The following SOS2 variants were observed in gnomAD, a reference collection of about 807,000 sequenced individuals.
SOS2 encodes son of sevenless homolog 2.
SOS2 carries 65 observed loss-of-function variants against 148.2 expected under a neutral mutation model. The observed-to-expected ratio is 0.44, with a 90% CI of 0.36 to 0.54. The LOEUF (loss-of-function observed/expected upper bound fraction) is 0.54, where lower values mean the gene tolerates loss of function less well. Ranked by LOEUF, SOS2 falls within the 20% of genes least tolerant of loss-of-function variation. The probability of loss-of-function intolerance (pLI) is 0.00; values close to 1 mark genes in which losing one functional copy is unlikely to be tolerated. For synonymous variants in SOS2, 539 were observed against 537.1 expected, an observed-to-expected ratio of 1.00 and a Z score of -0.05; for missense variants, 1,341 against 1,590.2, an observed-to-expected ratio of 0.84 and a Z score of 2.67.
At chr14:50,191,098 G>A (rs917209461) in intron 4 of SOS2, among the ~76,000 whole-genome samples, 5 of 152,004 alleles carry the variant, frequency 3.3e-5, no homozygotes, top group Non-Finnish European at 7.4e-5. Flanking sequence ...AAATCTAATG[G>A]TGTGTTTTAG....
At chr14:50,161,034 G>C (rs1884989938) in intron 9 of SOS2, among the ~76,000 whole-genome samples, 1 of 150,330 alleles carries the variant, frequency 6.7e-6, no homozygotes, top group Admixed American at 6.7e-5. Flanking sequence ...AAAAAGGCTG[G>C]GCGCAGCGGC....
At chr14:50,231,078 G>T in intron 1 of SOS2, 119 bp downstream of exon 1, 2 of 603,000 alleles carry the variant, frequency 3.3e-6, no homozygotes, top group South Asian at 8.0e-5. Context: ...CCCATTGCCA[G>T]CCAACGAGAA....
At chr14:50,159,389 G>T in intron 10 of SOS2, 42 bp downstream of exon 10, 3 of 1,369,674 alleles carry the variant, frequency 2.2e-6, no homozygotes, top group South Asian at 1.6e-5. Flanking sequence ...AAGCTTTTGG[G>T]TCCCAGGCCC....
intron 8 of SOS2, among the ~76,000 whole-genome samples, chr14:50,167,564 G>A (rs1455710233): frequency 1.3e-5 from 2 of 151,102 alleles, no homozygotes; most frequent in Admixed American, 6.6e-5. Context: ...ACAAGCAAAT[G>A]TTGCATAATG....
At chr14:50,158,084 A>T (rs1402406846) in intron 11 of SOS2, among the ~76,000 whole-genome samples, 1 of 152,122 alleles carries the variant, frequency 6.6e-6, no homozygotes, top group Non-Finnish European at 1.5e-5. Flanking sequence ...AGGGAAACAG[A>T]TGAAACAATG....
Position 50,157,037 on chromosome 14 carries a change from T to C in SOS2, c.2019A>G (p.Lys673=). The change falls in exon 12 of 23, where the codon AAA becomes AAG. Residue 673 remains lysine (K), a synonymous_variant. Transcript: ENST00000216373. ...GTTGGACATATTCCTTGCGAAATCTTTTAAGGTCTGCACTGATTGGCTGCT... is the reference window on the plus strand; with the variant it reads ...GTTGGACATATTCCTTGCGAAATCTCTTAAGGTCTGCACTGATTGGCTGCT... ...KGEQPISADL[K]RFRKEYVQPV... 1 of 1,611,436 alleles carries C rather than the reference T, an allele frequency of 6.2e-7. No homozygotes were observed. Among genetic ancestry groups the C allele is most frequent in the Non-Finnish European group, 8.5e-7 (1 of 1,178,464 alleles).
At chr14:50,173,460 C>T (rs1315030147) in intron 8 of SOS2, among the ~76,000 whole-genome samples, 1 of 151,736 alleles carries the variant, frequency 6.6e-6, no homozygotes, top group Non-Finnish European at 1.5e-5. Flanking sequence ...CTCGCTCTGT[C>T]GCCCAGGCTG....
intron 1 of SOS2, among the ~76,000 whole-genome samples, chr14:50,207,505 C>T (rs1566480340): frequency 1.3e-5 from 2 of 151,156 alleles, no homozygotes; most frequent in African/African-American, 2.4e-5. Context: ...AGCAAGACCT[C>T]ATCTCTAAAA....
chr14:50,224,504 A>C (rs1284784932), intron 1 of SOS2, among the ~76,000 whole-genome samples: 2 of 152,124 alleles, frequency 1.3e-5, no homozygotes, highest in African/African-American at 2.4e-5. Context: ...AAGCCAAATG[A>C]AGAAAGGATT....
chr14:50,191,493 C>A lies in SOS2; in HGVS notation c.511-2793G>T, dbSNP rs574159090. Among the ~76,000 whole-genome samples the A allele has an allele frequency of 9.9e-5, 15 of 152,104 alleles. No homozygotes were observed. The South Asian group carries it at 2.7e-3, about 27-fold the overall frequency. ...CTAAATAAGAAAAAACACATATAAA[C>A]CCCCCAGCTCCAAACAATTTTTCTC... On this transcript the variant is annotated intron_variant, in intron 4 of 22. Transcript: ENST00000216373.
intron 4 of SOS2, among the ~76,000 whole-genome samples, chr14:50,191,613 T>C (rs1181261646): frequency 6.6e-6 from 1 of 152,182 alleles, no homozygotes; most frequent in Non-Finnish European, 1.5e-5. Flanking sequence ...TAAAACTCTT[T>C]TGGTCACATA....
chr14:50,194,398 A>C (rs1409766156), intron 4 of SOS2, among the ~76,000 whole-genome samples: 1 of 152,042 alleles, frequency 6.6e-6, no homozygotes, highest in Non-Finnish European at 1.5e-5. Flanking sequence ...TTAACCTAGA[A>C]GAATGCCACT....
chr14:50,230,297 A>G lies in SOS2; in HGVS notation c.87+900T>C, dbSNP rs565998730. On this transcript the variant is annotated intron_variant, in intron 1 of 22. Transcript: ENST00000216373. The stretch of plus-strand genomic sequence containing the variant: ...GGTTATTTTGCACAAAAGGCAGAAG[A>G]GACTAAGTCTGCATTAACGGCAAAG... Among the ~76,000 whole-genome samples the G allele has an allele frequency of 4.6e-5, 7 of 152,358 alleles. No homozygotes were observed. The South Asian group carries it at 1.4e-3, about 32-fold the overall frequency.
At position 50,123,046 on chromosome 14, in the gene SOS2, A is replaced by G. The variant is rs556866377; in HGVS notation, c.3380-2662T>C. 1.6e-4 allele frequency among the ~76,000 whole-genome samples: 25 copies of G among 152,284 alleles called. No homozygotes were observed. The South Asian group carries it at 2.3e-3, about 14-fold the overall frequency. On this transcript the variant is annotated intron_variant, in intron 21 of 22. Transcript: ENST00000216373. ...AAAAGTATGATGCCTATAAATTATGACAAGAAATATTTGGTTGGAAAGGGG... is the reference window on the plus strand; with the variant it reads ...AAAAGTATGATGCCTATAAATTATGGCAAGAAATATTTGGTTGGAAAGGGG...
At chr14:50,164,427 G>C (rs1431772104) in intron 8 of SOS2, among the ~76,000 whole-genome samples, 1 of 151,716 alleles carries the variant, frequency 6.6e-6, no homozygotes, top group Non-Finnish European at 1.5e-5. Flanking sequence ...GTGACAGAGT[G>C]AGACTCTGTC....
chr14:50,202,632 G>A (rs1399133385), intron 2 of SOS2, among the ~76,000 whole-genome samples: 1 of 152,192 alleles, frequency 6.6e-6, no homozygotes, highest in East Asian at 1.9e-4. Flanking sequence ...CTACTTGGAA[G>A]GCTGAGGCAG....
In SOS2 at chr14:50,168,967, T is replaced by C. The variant is rs1594988096; in HGVS notation, c.1068+5487A>G. Among the ~76,000 whole-genome samples, 4 of 152,188 alleles carry C rather than the reference T, an allele frequency of 2.6e-5. No individual in the cohort carries two copies. The South Asian group carries it at 8.3e-4, about 31-fold the overall frequency. On this transcript the variant is annotated intron_variant, in intron 8 of 22. Transcript: ENST00000216373. ...ATAAAACAAGATGGAAAAACAACTATATGACAAGAAATTAGAGGATACCAT... is the reference window on the plus strand; with the variant it reads ...ATAAAACAAGATGGAAAAACAACTACATGACAAGAAATTAGAGGATACCAT...
intron 5 of SOS2, among the ~76,000 whole-genome samples, chr14:50,185,741 C>T (rs1377979357): frequency 6.7e-6 from 1 of 149,996 alleles, no homozygotes; most frequent in Non-Finnish European, 1.5e-5. Flanking sequence ...TTCCCTTTTA[C>T]AACATGCCAG....
chr14:50,171,301 A>G (rs111430049), intron 8 of SOS2, among the ~76,000 whole-genome samples: 26 of 152,136 alleles, frequency 1.7e-4, no homozygotes, highest in Non-Finnish European at 3.2e-4. Flanking sequence ...CTGGGTATAT[A>G]CATAAAATAA....
Sources: gnomAD v4.1 joint callset for allele counts (sites outside exome capture counted in the v4.1 genomes callset) on GRCh38, gnomAD v4.1.1 for gene constraint, MANE v1.5 for transcripts, NCBI Gene and HGNC (gene_info 2026-07-23, HGNC 2026-07-21) for gene names.